TMEM132D: variants seen among roughly 807,000 people sequenced by gnomAD.
TMEM132D encodes the protein mature OL transmembrane protein.
Under a neutral mutation model 62.3 loss-of-function variants are expected in TMEM132D, and 21 were observed. That is an observed-to-expected ratio of 0.34 (90% CI 0.24 to 0.49). TMEM132D has a LOEUF of 0.49. Among genes scored for constraint, TMEM132D ranks in the 20% least tolerant of loss-of-function variants. TMEM132D has a pLI of 0.99. For synonymous variants in TMEM132D, 621 were observed against 575.6 expected (o/e 1.08, Z -1.13); for missense variants, 1,346 against 1,402.8 (o/e 0.96, Z 0.65).
At chr12:129,595,464 C>T (rs1256356474) in intron 2 of TMEM132D, among the ~76,000 whole-genome samples, 1 of 152,196 alleles carries the variant, frequency 6.6e-6, no homozygotes, top group Non-Finnish European at 1.5e-5. Context: ...GGACCTGATC[C>T]TTTACACCTC....
intron 3 of TMEM132D, among the ~76,000 whole-genome samples, chr12:129,523,041 G>T (rs1282985102): frequency 6.6e-6 from 1 of 152,040 alleles, no homozygotes; most frequent in Non-Finnish European, 1.5e-5. Flanking sequence ...TTCTCTGTAG[G>T]ACTGCTACTG....
At chr12:129,478,293 ACT>A (rs1487149232) in intron 3 of TMEM132D, among the ~76,000 whole-genome samples, 1 of 152,014 alleles carries the variant, frequency 6.6e-6, no homozygotes, top group African/African-American at 2.4e-5. Flanking sequence ...CTTCATAAAA[ACT>A]CTACACTTAG....
rs1299570360 is a variant in TMEM132D at position 129,827,304 on chromosome 12, C to T, written c.79+75957G>A. Among the ~76,000 whole-genome samples the T allele has an allele frequency of 6.6e-6, 1 of 152,156 alleles. No homozygotes were observed. Among genetic ancestry groups the T allele is most frequent in the East Asian group, 1.9e-4 (1 of 5,188 alleles). On this transcript the variant is annotated intron_variant, in intron 1 of 8. Coordinates refer to ENST00000422113, the MANE Select transcript of TMEM132D (RefSeq NM_133448.3). This position sits in a 1 kb window ranked among gnomAD's most constrained non-coding sequence, Gnocchi z 9.7. Reference sequence around the variant, plus strand: ...AGAAACTAAGTAATTTGCCCAACAGCACCCAGTTAACAAAGGGTCCTCTCC... The same window carrying T: ...AGAAACTAAGTAATTTGCCCAACAGTACCCAGTTAACAAAGGGTCCTCTCC...
intron 1 of TMEM132D, among the ~76,000 whole-genome samples, chr12:129,769,058 A>G (rs1870645210): frequency 6.6e-6 from 1 of 152,150 alleles, no homozygotes. Context: ...CATGGTGGAG[A>G]AAATGCTTAC....
At chr12:129,752,776 A>T (rs964444964) in intron 1 of TMEM132D, among the ~76,000 whole-genome samples, 5 of 152,216 alleles carry the variant, frequency 3.3e-5, no homozygotes, top group African/African-American at 1.2e-4. Context: ...AAGATGTCAC[A>T]GTTGTGATAC....
At chr12:129,476,203 G>C (rs1874252067) in intron 3 of TMEM132D, among the ~76,000 whole-genome samples, 1 of 152,206 alleles carries the variant, frequency 6.6e-6, no homozygotes, top group Non-Finnish European at 1.5e-5. Flanking sequence ...AATACCCCCA[G>C]GCATGTGTGT....
At chr12:129,635,238 G>A (rs747003813) in intron 2 of TMEM132D, among the ~76,000 whole-genome samples, 39 of 152,214 alleles carry the variant, frequency 2.6e-4, no homozygotes, top group Non-Finnish European at 4.9e-4. Context: ...AGTAGTCATG[G>A]AAACAGCAAA....
rs139834457 is a variant in TMEM132D at position 129,370,813 on chromosome 12, G to C, written c.1116-32996C>G. On this transcript the variant is annotated intron_variant, in intron 3 of 8. Coordinates refer to ENST00000422113, the MANE Select transcript of TMEM132D (RefSeq NM_133448.3). ...AATATTGTGTGTTCTCACTCATGTGGGAGCAGACATAGTGTCTCTCATAAA... is the reference window on the plus strand; with the variant it reads ...AATATTGTGTGTTCTCACTCATGTGCGAGCAGACATAGTGTCTCTCATAAA... 2.0e-4 allele frequency among the ~76,000 whole-genome samples: 30 copies of C among 152,290 alleles called. No individual in the cohort carries two copies. In the East Asian group the frequency reaches 5.8e-3, roughly 29 times the overall value.
At chr12:129,770,564 A>G (rs1462871387) in intron 1 of TMEM132D, among the ~76,000 whole-genome samples, 1 of 152,202 alleles carries the variant, frequency 6.6e-6, no homozygotes, top group African/African-American at 2.4e-5. Flanking sequence ...AGAATCAGGG[A>G]AATACAGATG....
intron 2 of TMEM132D, among the ~76,000 whole-genome samples, chr12:129,541,527 T>C (rs1195786945): frequency 1.3e-5 from 2 of 152,176 alleles, no homozygotes; most frequent in Admixed American, 1.3e-4. Flanking sequence ...TGGGAGGGGA[T>C]GGCGAGAGAG....
At chr12:129,777,695 T>A (rs902157291) in intron 1 of TMEM132D, among the ~76,000 whole-genome samples, 21 of 152,208 alleles carry the variant, frequency 1.4e-4, no homozygotes, top group African/African-American at 4.8e-4. Context: ...AGGAATTTCC[T>A]CTTTTCTTAT....
At chr12:129,083,497 C>T (rs1297482845) in intron 6 of TMEM132D, among the ~76,000 whole-genome samples, 1 of 152,168 alleles carries the variant, frequency 6.6e-6, no homozygotes, top group East Asian at 1.9e-4. Flanking sequence ...ACACCCTCAA[C>T]TCAATACCAG....
intron 3 of TMEM132D, among the ~76,000 whole-genome samples, chr12:129,408,862 C>A (rs571145609): frequency 2.6e-5 from 4 of 152,168 alleles, no homozygotes; most frequent in Non-Finnish European, 5.9e-5. Flanking sequence ...TGCTGCAATA[C>A]TTTTTAAGGA....
At chr12:129,141,802 C>A (rs1409386062) in intron 5 of TMEM132D, among the ~76,000 whole-genome samples, 1 of 151,976 alleles carries the variant, frequency 6.6e-6, no homozygotes, top group African/African-American at 2.4e-5. Context: ...GTTTGAAAAA[C>A]TAACTTTGGG....
chr12:129,514,247 T>C (rs7135182), intron 3 of TMEM132D, among the ~76,000 whole-genome samples: 10,367 of 152,224 alleles, frequency 0.068, 716 homozygotes, highest in South Asian at 0.19. Flanking sequence ...ATTCTATCGC[T>C]GCCACCACCA....
At chr12:129,762,511 C>A (rs867653599) in intron 1 of TMEM132D, among the ~76,000 whole-genome samples, 1 of 152,066 alleles carries the variant, frequency 6.6e-6, no homozygotes, top group African/African-American at 2.4e-5. Flanking sequence ...GTCTTCTTTT[C>A]ACCCTTCTGA....
chr12:129,642,195 A>G (rs1879657025), intron 2 of TMEM132D, among the ~76,000 whole-genome samples: 1 of 152,212 alleles, frequency 6.6e-6, no homozygotes, highest in South Asian at 2.1e-4. Context: ...CAGTCTTTGA[A>G]CAGTCACAAG....
At chr12:129,870,534 G>A (rs369060327) in intron 1 of TMEM132D, among the ~76,000 whole-genome samples, 10 of 152,300 alleles carry the variant, frequency 6.6e-5, no homozygotes, top group African/African-American at 2.4e-4. Context: ...TGGATTCCAT[G>A]AGGAGAGAGC....
intron 5 of TMEM132D, among the ~76,000 whole-genome samples, chr12:129,109,189 A>T (rs1185391897): frequency 6.6e-6 from 1 of 152,192 alleles, no homozygotes; most frequent in Non-Finnish European, 1.5e-5. Context: ...AAGAGACCCC[A>T]GGCCCGAATG....
Sources: allele counts gnomAD v4.1 joint callset (sites outside exome capture counted in the v4.1 genomes callset), GRCh38; gene constraint gnomAD v4.1.1; non-coding constraint Gnocchi (gnomAD v3.1); transcripts MANE v1.5; gene names NCBI Gene and HGNC (gene_info 2026-07-23, HGNC 2026-07-21).